Variants in CECR2 observed in about 807,000 individuals in gnomAD.
The protein encoded by CECR2 is chromatin remodeling regulator CECR2.
CECR2 carries 30 observed loss-of-function variants against 154.5 expected under a neutral mutation model. That is an observed-to-expected ratio of 0.19 (90% CI 0.15 to 0.26). The LOEUF (loss-of-function observed/expected upper bound fraction) is 0.26. Among genes scored for constraint, CECR2 ranks in the 10% least tolerant of loss-of-function variants. CECR2 has a pLI of 1.00. For missense variants in CECR2, 1,743 were observed against 1,829.3 expected (o/e 0.95, Z 0.86); for synonymous variants, 725 against 683.7 (o/e 1.06, Z -0.94).
chr22:17,456,861 G>A (rs2054861676), intron 1 of CECR2, among the ~76,000 whole-genome samples: 1 of 152,118 alleles, frequency 6.6e-6, no homozygotes, highest in South Asian at 2.1e-4. Context: ...TCTACATCTG[G>A]GGCCTCATGT....
At chr22:17,512,658 G>T (rs1406635021) in intron 8 of CECR2, among the ~76,000 whole-genome samples, 3 of 148,052 alleles carry the variant, frequency 2.0e-5, no homozygotes, top group African/African-American at 7.5e-5. Context: ...AGCTACGATC[G>T]CACCACTGCA....
At chr22:17,479,113 T>C (rs928798139) in intron 2 of CECR2, among the ~76,000 whole-genome samples, 16 of 152,366 alleles carry the variant, frequency 1.1e-4, no homozygotes, top group African/African-American at 3.8e-4. Flanking sequence ...TTAGCTGTTA[T>C]AAACATATAT....
chr22:17,549,791 T>G (rs1230300517), intron 17 of CECR2, among the ~76,000 whole-genome samples: 5 of 146,724 alleles, frequency 3.4e-5, no homozygotes, highest in Admixed American at 7.0e-5. Flanking sequence ...TTGGTTTTTT[T>G]TTTTTTTTTT....
intron 7 of CECR2, among the ~76,000 whole-genome samples, chr22:17,510,892 A>G (rs142993414): frequency 6.6e-5 from 10 of 152,168 alleles, no homozygotes; most frequent in South Asian, 2.1e-4. Context: ...GGCGTGAGCC[A>G]CCCCACCCAG....
rs1049662524 is a variant in CECR2, at chr22:17,557,029, A to G, written c.*4189A>G. The G allele has an allele frequency of 1.3e-5, 2 of 150,662 alleles. No individual in the cohort carries two copies. Among genetic ancestry groups the G allele is most frequent in the East Asian group, 1.9e-4 (1 of 5,132 alleles). 9.3% of individuals were successfully genotyped at this position (150,662 alleles called of 1,614,324 possible). On this transcript the variant is annotated 3_prime_UTR_variant, in exon 19 of 19. Transcript: ENST00000262608. Reference sequence around the variant, plus strand: ...TGCGTGAGAAAAAGCTGGGCTCCCTATTTCTTTTTTGGGTTGGACTCTGCC... The same window carrying G: ...TGCGTGAGAAAAAGCTGGGCTCCCTGTTTCTTTTTTGGGTTGGACTCTGCC...
chr22:17,402,754 C>CTTT (rs386394918), intron 1 of CECR2, among the ~76,000 whole-genome samples: 22 of 123,064 alleles, frequency 1.8e-4, no homozygotes, highest in Non-Finnish European at 2.9e-4. Flanking sequence ...TTCTTTTCTT[C>CTTT]TTTTTTTTTT....
chr22:17,531,904 C>T (rs572729165), intron 9 of CECR2, among the ~76,000 whole-genome samples: 1 of 152,196 alleles, frequency 6.6e-6, no homozygotes, highest in Non-Finnish European at 1.5e-5. Context: ...TGCAGTGGCT[C>T]ATGCCTGTAA....
chr22:17,531,097 C>G (rs1375290485), intron 9 of CECR2, among the ~76,000 whole-genome samples: 2 of 152,172 alleles, frequency 1.3e-5, no homozygotes, highest in East Asian at 3.8e-4. Flanking sequence ...AAAGAAGTAA[C>G]TTGTAGTTAA....
chr22:17,497,680 G>C, intron 3 of CECR2, 94 bp downstream of exon 3: 2 of 1,280,258 alleles, frequency 1.6e-6, no homozygotes, highest in Non-Finnish European at 2.2e-6. Context: ...CTAAGCCAGA[G>C]TTTGGCTTGT....
chr22:17,538,909 C>T, intron 12 of CECR2, 84 bp from the exon 13 acceptor site: 1 of 1,499,776 alleles, frequency 6.7e-7, no homozygotes. Context: ...TTGCTGAATT[C>T]TCATTATCTC....
At chr22:17,482,521 T>G (rs1400686717) in intron 2 of CECR2, among the ~76,000 whole-genome samples, 1 of 151,944 alleles carries the variant, frequency 6.6e-6, no homozygotes, top group Non-Finnish European at 1.5e-5. Flanking sequence ...TATTTTAGAG[T>G]GTATTCCTTC....
intron 2 of CECR2, among the ~76,000 whole-genome samples, chr22:17,483,651 T>C (rs2055368836): frequency 6.6e-6 from 1 of 152,220 alleles, no homozygotes; most frequent in Non-Finnish European, 1.5e-5. Flanking sequence ...TAGGCTGTTA[T>C]TACAAAAGAA....
At chr22:17,383,836 C>A (rs2063228905) in intron 1 of CECR2, among the ~76,000 whole-genome samples, 1 of 151,334 alleles carries the variant, frequency 6.6e-6, no homozygotes, top group African/African-American at 2.4e-5. Context: ...GGCTAATTTT[C>A]TTTTTTTTGG....
intron 1 of CECR2, among the ~76,000 whole-genome samples, chr22:17,375,941 C>A (rs369582199): frequency 2.1e-5 from 3 of 143,352 alleles, no homozygotes; most frequent in East Asian, 4.0e-4. Context: ...GGCAACAGAG[C>A]GAGAGGGAGA....
intron 8 of CECR2, among the ~76,000 whole-genome samples, chr22:17,513,910 A>G (rs988473988): frequency 3.4e-5 from 5 of 149,052 alleles, no homozygotes; most frequent in African/African-American, 1.2e-4. Context: ...GGCATCAAAC[A>G]CTAAAATTTC....
In CECR2 at chr22:17,477,893, A is replaced by G. The variant is rs193165249; in HGVS notation, c.221+211A>G. Among the ~76,000 whole-genome samples, 83 of 152,282 alleles carry G rather than the reference A, an allele frequency of 5.5e-4. 1 individual carries two copies. The East Asian group carries it at 0.013, about 24-fold the overall frequency. On this transcript the variant is annotated intron_variant, in intron 2 of 18. Coordinates refer to ENST00000262608, the MANE Select transcript of CECR2 (RefSeq NM_001290047.2). ...CCATCATAATCTTTGAGTTTATTTCATTCTCACAAATCCATATCACTTACT... is the reference window on the plus strand; with the variant it reads ...CCATCATAATCTTTGAGTTTATTTCGTTCTCACAAATCCATATCACTTACT...
At chr22:17,464,875 A>G (rs2055001989) in intron 1 of CECR2, among the ~76,000 whole-genome samples, 1 of 152,122 alleles carries the variant, frequency 6.6e-6, no homozygotes, top group Non-Finnish European at 1.5e-5. Flanking sequence ...AAGTTTTTCA[A>G]TGTACTTCTG....
intron 1 of CECR2, among the ~76,000 whole-genome samples, chr22:17,431,498 C>G (rs902888109): frequency 6.6e-6 from 1 of 152,174 alleles, no homozygotes; most frequent in African/African-American, 2.4e-5. Flanking sequence ...TTCATCGGCT[C>G]TAAAAGTGAT....
chr22:17,524,804 T>C (rs2056230237), intron 9 of CECR2: 3 of 355,630 alleles, frequency 8.4e-6, no homozygotes, highest in Admixed American at 3.0e-5. Context: ...CCCGAGTAGC[T>C]AGGACTATAG....
Sources: allele counts gnomAD v4.1 joint callset (sites outside exome capture counted in the v4.1 genomes callset), GRCh38; gene constraint gnomAD v4.1.1; transcripts MANE v1.5; gene names NCBI Gene and HGNC (gene_info 2026-07-23, HGNC 2026-07-21).